The following KLHL2 variants were observed in gnomAD, a reference collection of about 807,000 sequenced individuals.
KLHL2 encodes kelch like family member 2, also known as kelch-like protein 2.
Under a neutral mutation model 75.8 loss-of-function variants are expected in KLHL2, and 15 were observed. That is an observed-to-expected ratio of 0.20 (90% confidence interval 0.13 to 0.30). The LOEUF is 0.30. Ranked by LOEUF, KLHL2 falls within the 10% of genes least tolerant of loss-of-function variation. The probability of loss-of-function intolerance (pLI) is 1.00; values close to 1 mark genes in which losing one functional copy is unlikely to be tolerated. For missense variants in KLHL2, 381 were observed against 741.0 expected (o/e 0.51, Z 5.64); for synonymous variants, 214 against 251.9 (o/e 0.85, Z 1.42).
intron 4 of KLHL2, among the ~76,000 whole-genome samples, chr4:165,257,418 A>G (rs1377828524): frequency 6.6e-6 from 1 of 152,212 alleles, no homozygotes; most frequent in Admixed American, 6.5e-5. Flanking sequence ...CCACAGCATT[A>G]TTTCCTGCAT....
At chr4:165,268,321 G>C (rs1270213182) in intron 5 of KLHL2, among the ~76,000 whole-genome samples, 2 of 151,916 alleles carry the variant, frequency 1.3e-5, no homozygotes, top group Non-Finnish European at 2.9e-5. Context: ...CTTCAGTTCT[G>C]CTCTGATCTT....
intron 1 of KLHL2, among the ~76,000 whole-genome samples, chr4:165,212,559 CT>C (rs1349518834): frequency 6.6e-5 from 10 of 152,180 alleles, no homozygotes; most frequent in African/African-American, 2.2e-4. Flanking sequence ...AAACAAGCCC[CT>C]GCTTTTTATG....
chr4:165,231,684 G>C (rs769963161), intron 3 of KLHL2, among the ~76,000 whole-genome samples: 1 of 150,918 alleles, frequency 6.6e-6, no homozygotes, highest in Non-Finnish European at 1.5e-5. Flanking sequence ...GTGTTGTTTC[G>C]ATTTTTGGCT....
intron 2 of KLHL2, chr4:165,224,059 T>G (rs1447739886): frequency 3.4e-6 from 1 of 294,212 alleles, no homozygotes; most frequent in Non-Finnish European, 6.7e-6. Context: ...GGATTACAGG[T>G]GCGTGCCGTC....
chr4:165,228,305 C>G (rs1190087249), intron 2 of KLHL2, among the ~76,000 whole-genome samples: 2 of 151,924 alleles, frequency 1.3e-5, no homozygotes, highest in Admixed American at 6.5e-5. Context: ...ATGTGCAAAG[C>G]CTTTTAAGCA....
At chr4:165,313,815 C>G (rs1274823973) in intron 12 of KLHL2, among the ~76,000 whole-genome samples, 1 of 152,040 alleles carries the variant, frequency 6.6e-6, no homozygotes, top group Non-Finnish European at 1.5e-5. Context: ...TTTGACATGC[C>G]TCTTTTTTCA....
chr4:165,242,592 G>A (rs144259753), intron 4 of KLHL2, among the ~76,000 whole-genome samples: 1,642 of 152,178 alleles, frequency 0.011, 23 homozygotes, highest in African/African-American at 0.035. Context: ...CTCTTCCCAG[G>A]TTCAAGCAAT....
chr4:165,235,086 C>T (rs1453849431), intron 3 of KLHL2, among the ~76,000 whole-genome samples: 1 of 152,228 alleles, frequency 6.6e-6, no homozygotes, highest in African/African-American at 2.4e-5. Flanking sequence ...TAAATGTTGA[C>T]TGAAATCCTA....
intron 5 of KLHL2, among the ~76,000 whole-genome samples, chr4:165,270,633 G>T (rs1354505604): frequency 6.6e-6 from 1 of 152,168 alleles, no homozygotes; most frequent in East Asian, 1.9e-4. Context: ...CTGTTTGCCT[G>T]GGTATCACCA....
chr4:165,252,399 C>T (rs1740810124), intron 4 of KLHL2, among the ~76,000 whole-genome samples: 1 of 151,806 alleles, frequency 6.6e-6, no homozygotes. Context: ...GGTTTGACAC[C>T]AGCCAAAGGT....
Position 165,299,551 on chromosome 4 carries a change from A to G in KLHL2, c.816A>G (p.Lys272=). Reference sequence around the variant, plus strand: ...TGGTCAAGAATAGCAGTGCTTGCAAAGATTACCTCATTGAAGCAATGAAGT... The same window carrying G: ...TGGTCAAGAATAGCAGTGCTTGCAAGGATTACCTCATTGAAGCAATGAAGT... The part of the protein sequence containing the change: ...EALVKNSSAC[K]DYLIEAMKYH... Residue 272 remains lysine, a synonymous_variant, in exon 8 of 15, where the codon AAA becomes AAG. Coordinates refer to ENST00000226725, the MANE Select transcript of KLHL2 (RefSeq NM_007246.4). 1 of 1,613,830 alleles carries G rather than the reference A, an allele frequency of 6.2e-7. No individual in the cohort carries two copies. Among genetic ancestry groups the G allele is most frequent in the Non-Finnish European group, 8.5e-7 (1 of 1,179,890 alleles).
chr4:165,304,484 T>A (rs1745583437), intron 8 of KLHL2, among the ~76,000 whole-genome samples: 1 of 152,242 alleles, frequency 6.6e-6, no homozygotes, highest in Non-Finnish European at 1.5e-5. Context: ...ATTTTTCCAA[T>A]CATTATCTCT....
chr4:165,303,888 G>A (rs1431487701), intron 8 of KLHL2, among the ~76,000 whole-genome samples: 1 of 149,992 alleles, frequency 6.7e-6, no homozygotes, highest in Non-Finnish European at 1.5e-5. Flanking sequence ...CTGTTTGTTT[G>A]TTTGTGAGAC....
At chr4:165,232,248 C>T (rs891623300) in intron 3 of KLHL2, among the ~76,000 whole-genome samples, 5 of 151,660 alleles carry the variant, frequency 3.3e-5, no homozygotes, top group African/African-American at 1.2e-4. Context: ...ATGGTGAAAC[C>T]CTGTCTCTAC....
rs1035483608 is a variant in KLHL2, at chr4:165,248,714, CA to C, written c.381+9816del. On this transcript the variant is annotated intron_variant, in intron 4 of 14. Coordinates refer to ENST00000226725, the MANE Select transcript of KLHL2 (RefSeq NM_007246.4). ...TGCTATTCAAGCTTAAAGTCTGTTT[CA>C]GAAGAAAATAGCAGATCCTAGCAAG... Among the ~76,000 whole-genome samples the C allele has an allele frequency of 2.5e-4, 38 of 152,118 alleles. 1 individual carries two copies. Among genetic ancestry groups the C allele is most frequent in the Admixed American group, 2.5e-3 (38 of 15,278 alleles).
Position 165,322,022 on chromosome 4 carries a change from C to G in KLHL2, c.1754-10C>G. The G allele has an allele frequency of 6.2e-7, 1 of 1,613,320 alleles. No individual in the cohort carries two copies. On this transcript the variant is annotated splice_polypyrimidine_tract_variant and intron_variant, in intron 14 of 14. Coordinates refer to ENST00000226725, the MANE Select transcript of KLHL2 (RefSeq NM_007246.4). ...TGACTTCTTTTTTCTCTCTTCATTT[C>G]TTTGCTCAGGGGTCACAGTTATTGA...
At chr4:165,239,085 A>G (rs540921968) in intron 4 of KLHL2, among the ~76,000 whole-genome samples, 186 bp downstream of exon 4, 12 of 152,256 alleles carry the variant, frequency 7.9e-5, no homozygotes, top group African/African-American at 2.6e-4. Flanking sequence ...TATCTTTTAT[A>G]TTCCTTAAGA....
At chr4:165,264,508 T>A (rs1182413628) in intron 5 of KLHL2, among the ~76,000 whole-genome samples, 29 of 151,156 alleles carry the variant, frequency 1.9e-4, no homozygotes, top group Non-Finnish European at 8.8e-5. Context: ...TAACTTAGAA[T>A]AATGGCCTCC....
chr4:165,297,747 ATG>A (rs767447330), intron 7 of KLHL2, 22 bp downstream of exon 7: 1 of 1,356,604 alleles, frequency 7.4e-7, no homozygotes, highest in Non-Finnish European at 1.1e-6. Flanking sequence ...TGCAAAACAT[ATG>A]AATCCACACA....
Sources: gnomAD v4.1 joint callset for allele counts (sites outside exome capture counted in the v4.1 genomes callset) on GRCh38, gnomAD v4.1.1 for gene constraint, MANE v1.5 for transcripts, NCBI Gene and HGNC (gene_info 2026-07-23, HGNC 2026-07-21) for gene names.